ZC3H12B: variants seen among roughly 807,000 people sequenced by gnomAD.
ZC3H12B encodes probable ribonuclease ZC3H12B.
A neutral mutation model predicts 43.9 loss-of-function variants in ZC3H12B; 7 were observed. The observed-to-expected ratio is 0.16, with a 90% CI of 0.09 to 0.30. ZC3H12B has a LOEUF of 0.30. Ranked by LOEUF, ZC3H12B falls within the 10% of genes least tolerant of loss-of-function variation. The probability of loss-of-function intolerance (pLI) is 1.00; values close to 1 mark genes in which losing one functional copy is unlikely to be tolerated. For missense variants in ZC3H12B, 475 were observed against 670.2 expected (o/e 0.71, Z 3.22); for synonymous variants, 222 against 241.7 (o/e 0.92, Z 0.76).
At chrX:65,134,953 G>A in the ZC3H12B span, among the ~76,000 whole-genome samples, 1 of 111,047 alleles carries the variant, frequency 9.0e-6, no homozygotes, top group African/African-American at 3.3e-5. Context: ...GACAGGAGAA[G>A]AAATTTCATA....
At chrX:65,119,313 T>G in the ZC3H12B span, among the ~76,000 whole-genome samples, 9,112 of 111,147 alleles carry the variant, frequency 0.082, 1,022 homozygotes, top group African/African-American at 0.29. Context: ...CAGCACCTGT[T>G]GTTTCCTGAC....
chrX:65,373,783 C>T (rs1009564044), intron 2 of ZC3H12B, among the ~76,000 whole-genome samples: 12 of 93,246 alleles, frequency 1.3e-4, no homozygotes, highest in Non-Finnish European at 2.5e-4. Context: ...GGAGATATAC[C>T]TAATGTAAAT....
chrX:65,149,968 T>A, the ZC3H12B span, among the ~76,000 whole-genome samples: 13 of 109,774 alleles, frequency 1.2e-4, no homozygotes, highest in Non-Finnish European at 2.5e-4. Context: ...CTGATTGAGT[T>A]CCTTAAGTAC....
chrX:65,503,110 T>A, exon 5 of ZC3H12B: 1 of 1,211,471 alleles, frequency 8.3e-7, no homozygotes. Flanking sequence ...ATATTTTCCC[T>A]TCTAACATCG....
At chrX:65,345,006 A>G in the ZC3H12B span, among the ~76,000 whole-genome samples, 1 of 112,307 alleles carries the variant, frequency 8.9e-6, no homozygotes, top group Non-Finnish European at 1.9e-5. Flanking sequence ...ATGAGATACC[A>G]TCTCACACCA....
chrX:65,491,718 T>A (rs368241159), intron 1 of ZC3H12B, among the ~76,000 whole-genome samples: 10,454 of 100,336 alleles, frequency 0.1, 1,601 homozygotes, highest in African/African-American at 0.38. Flanking sequence ...AAAAAAAATA[T>A]ATATATATAT....
the ZC3H12B span, among the ~76,000 whole-genome samples, chrX:65,330,090 T>C: frequency 9.0e-6 from 1 of 111,641 alleles, no homozygotes; most frequent in Non-Finnish European, 1.9e-5. Flanking sequence ...GTGAAGAAAG[T>C]CATTAGTAAC....
the ZC3H12B span, among the ~76,000 whole-genome samples, chrX:65,244,471 G>A: frequency 9.1e-6 from 1 of 109,776 alleles, no homozygotes; most frequent in Non-Finnish European, 1.9e-5. Context: ...AGTGCTAGGT[G>A]TGGTGGCTCA....
At chrX:65,431,034 G>A (rs2067155363) in intron 3 of ZC3H12B, among the ~76,000 whole-genome samples, 3 of 112,267 alleles carry the variant, frequency 2.7e-5, no homozygotes, top group South Asian at 3.7e-4. Flanking sequence ...CCATTCCTCT[G>A]TTTTATCAAG....
chrX:65,147,255 G>A, the ZC3H12B span, among the ~76,000 whole-genome samples: 1 of 111,843 alleles, frequency 8.9e-6, no homozygotes, highest in Admixed American at 9.5e-5. Context: ...CAGGCTGTCT[G>A]GTACAGTCTG....
chrX:65,115,197 C>T, the ZC3H12B span, among the ~76,000 whole-genome samples: 3 of 107,802 alleles, frequency 2.8e-5, no homozygotes, highest in Non-Finnish European at 5.8e-5. Flanking sequence ...TTTTATCCCT[C>T]GCCACCCCCC....
chrX:65,313,828 A>G, the ZC3H12B span, among the ~76,000 whole-genome samples: 122 of 112,342 alleles, frequency 1.1e-3, no homozygotes, highest in Middle Eastern at 4.6e-3. Flanking sequence ...ACAACAATCA[A>G]CAGATGCCAA....
At chrX:65,184,624 G>C in the ZC3H12B span, among the ~76,000 whole-genome samples, 1 of 111,343 alleles carries the variant, frequency 9.0e-6, no homozygotes, top group South Asian at 3.8e-4. Flanking sequence ...ATTAGAGAGG[G>C]GTTATTAAAG....
At chrX:65,284,759 C>G in the ZC3H12B span, among the ~76,000 whole-genome samples, 5 of 106,937 alleles carry the variant, frequency 4.7e-5, no homozygotes, top group African/African-American at 1.7e-4. Context: ...GAAACTCCAT[C>G]TCAAAAAAAA....
At chrX:65,183,753 T>A in the ZC3H12B span, among the ~76,000 whole-genome samples, 1 of 111,681 alleles carries the variant, frequency 9.0e-6, no homozygotes, top group East Asian at 2.8e-4. Flanking sequence ...AAGGTACTTA[T>A]CCCTATTGTT....
the ZC3H12B span, among the ~76,000 whole-genome samples, chrX:65,275,083 C>T: frequency 8.9e-6 from 1 of 112,576 alleles, no homozygotes; most frequent in Non-Finnish European, 1.9e-5. Context: ...AGCTCTGTGT[C>T]CACATCCAAG....
the ZC3H12B span, among the ~76,000 whole-genome samples, chrX:65,264,536 A>T: frequency 6.2e-5 from 7 of 112,218 alleles, no homozygotes; most frequent in Admixed American, 6.6e-4. Flanking sequence ...AGACATAGAT[A>T]AAAAAATTAT....
chrX:65,479,343 G>C (rs2068035324), intron 3 of ZC3H12B, among the ~76,000 whole-genome samples: 1 of 107,191 alleles, frequency 9.3e-6, no homozygotes, highest in Admixed American at 1.0e-4. Context: ...TTTTTGTTTT[G>C]TTGTTTAAAT....
the ZC3H12B span, among the ~76,000 whole-genome samples, chrX:65,103,732 G>T: frequency 2.7e-5 from 3 of 110,845 alleles, no homozygotes; most frequent in African/African-American, 9.9e-5. Flanking sequence ...CTCTGTTTGG[G>T]GTCCCTGACT....
Sources: gnomAD v4.1 joint callset for allele counts (sites outside exome capture counted in the v4.1 genomes callset) on GRCh38, gnomAD v4.1.1 for gene constraint, MANE v1.5 for transcripts, NCBI Gene and HGNC (gene_info 2026-07-23, HGNC 2026-07-21) for gene names.